Variants in ADGRL3 observed in about 807,000 individuals in gnomAD.
ADGRL3 encodes adhesion G protein-coupled receptor L3, also known as calcium-independent alpha-latrotoxin receptor 3.
ADGRL3 carries 62 observed loss-of-function variants against 153.5 expected under a neutral mutation model. That is an observed-to-expected ratio of 0.40 (90% CI 0.33 to 0.50). The LOEUF is 0.50. ADGRL3 is among the 20% of genes least tolerant of loss of function. The pLI is 0.47. For missense variants in ADGRL3, 1,641 were observed against 1,859.4 expected, an observed-to-expected ratio of 0.88 and a Z score of 2.16; for synonymous variants, 710 against 672.5, an observed-to-expected ratio of 1.06 and a Z score of -0.86.
chr4:61,371,173 A>G (rs1170587275), intron 1 of ADGRL3, among the ~76,000 whole-genome samples: 2 of 150,088 alleles, frequency 1.3e-5, no homozygotes, highest in African/African-American at 4.9e-5. Context: ...ATGGGTCTTG[A>G]CTCTTTATCC....
At chr4:61,503,654 A>G (rs924812448) in intron 3 of ADGRL3, among the ~76,000 whole-genome samples, 8 of 152,054 alleles carry the variant, frequency 5.3e-5, no homozygotes, top group African/African-American at 1.9e-4. Flanking sequence ...AGATTTTTAG[A>G]CTATATTTTC....
At chr4:61,571,158 C>A (rs995764241) in intron 4 of ADGRL3, among the ~76,000 whole-genome samples, 4 of 151,778 alleles carry the variant, frequency 2.6e-5, no homozygotes, top group Admixed American at 6.6e-5. Context: ...ACACAAGATA[C>A]ATTTACAGAC....
chr4:61,705,791 A>G (rs1241302424), intron 6 of ADGRL3, among the ~76,000 whole-genome samples: 1 of 152,176 alleles, frequency 6.6e-6, no homozygotes, highest in Non-Finnish European at 1.5e-5. Context: ...GGCATGAACC[A>G]CTGCGCCCAG....
intron 13 of ADGRL3, among the ~76,000 whole-genome samples, chr4:61,928,636 A>G (rs1420258132): frequency 6.6e-6 from 1 of 152,176 alleles, no homozygotes; most frequent in African/African-American, 2.4e-5. Context: ...TAAGATAAAT[A>G]TGCATTTCTT....
intron 21 of ADGRL3, among the ~76,000 whole-genome samples, chr4:62,005,847 A>T (rs2099155509): frequency 6.6e-6 from 1 of 150,506 alleles, no homozygotes; most frequent in East Asian, 1.9e-4. Context: ...ATTTGATTTT[A>T]TCCTTGTTTA....
intron 18 of ADGRL3, among the ~76,000 whole-genome samples, chr4:61,980,325 T>TTTTC (rs2099063599): frequency 6.7e-6 from 1 of 149,394 alleles, no homozygotes; most frequent in Non-Finnish European, 1.5e-5. Context: ...TTTTTTTTTT[T>TTTTC]TTTTTTTACT....
intron 19 of ADGRL3, among the ~76,000 whole-genome samples, chr4:61,989,012 A>G (rs1222798167): frequency 1.3e-5 from 2 of 152,118 alleles, no homozygotes; most frequent in African/African-American, 2.4e-5. Context: ...TCACTAGCTT[A>G]AGAGTATCTT....
At chr4:61,440,023 G>A (rs335284) in intron 2 of ADGRL3, among the ~76,000 whole-genome samples, 141,758 of 152,170 alleles carry the variant, frequency 0.93, 66,869 homozygotes, top group East Asian at 1. Context: ...TCTGTGCTAT[G>A]TATTATTTTT....
At chr4:61,368,319 T>C (rs562811561) in intron 1 of ADGRL3, among the ~76,000 whole-genome samples, 1 of 152,208 alleles carries the variant, frequency 6.6e-6, no homozygotes, top group South Asian at 2.1e-4. Flanking sequence ...ATGTCCTGAA[T>C]GGTAATGCCT....
Position 61,210,714 on chromosome 4 carries a change from T to G in ADGRL3, c.-240+8949T>G, listed in dbSNP as rs145528237. 4.7e-3 allele frequency among the ~76,000 whole-genome samples: 711 copies of G among 152,328 alleles called. 6 individuals are homozygous for G. Among genetic ancestry groups the G allele is most frequent in the African/African-American group, 0.016 (677 of 41,574 alleles). On this transcript the variant is annotated intron_variant, in intron 1 of 26. Transcript: ENST00000683033. ...TTGTTTTTTCAAATTTTCAGTGTTC[T>G]TGATTTGTCAATGGCTTATGGTTGT...
chr4:61,252,628 C>T (rs995178772), intron 1 of ADGRL3, among the ~76,000 whole-genome samples: 1 of 151,386 alleles, frequency 6.6e-6, no homozygotes, highest in Admixed American at 6.6e-5. Flanking sequence ...GCTAATAGCT[C>T]GCTTTGTCAG....
chr4:61,755,051 C>G (rs1197756618), intron 8 of ADGRL3, among the ~76,000 whole-genome samples: 2 of 152,150 alleles, frequency 1.3e-5, no homozygotes, highest in Non-Finnish European at 2.9e-5. Context: ...CAAGTCTTTG[C>G]TATTGTGAAT....
At chr4:61,492,153 G>A (rs758906932) in intron 2 of ADGRL3, among the ~76,000 whole-genome samples, 8 of 151,968 alleles carry the variant, frequency 5.3e-5, no homozygotes, top group Admixed American at 2.0e-4. Flanking sequence ...TTTATATTTC[G>A]TATGTGCCAA....
At chr4:61,959,913 T>G (rs1434741112) in intron 17 of ADGRL3, among the ~76,000 whole-genome samples, 1 of 152,068 alleles carries the variant, frequency 6.6e-6, no homozygotes, top group African/African-American at 2.4e-5. Context: ...TAGGTGGAGG[T>G]GGAGATTAAA....
intron 13 of ADGRL3, among the ~76,000 whole-genome samples, chr4:61,923,036 G>A (rs1449235415): frequency 1.3e-5 from 2 of 152,170 alleles, no homozygotes; most frequent in African/African-American, 4.8e-5. Context: ...CTGGAGAAGA[G>A]CATTCCAAGA....
chr4:61,482,442 A>T (rs1246430905), intron 2 of ADGRL3, among the ~76,000 whole-genome samples: 1 of 152,190 alleles, frequency 6.6e-6, no homozygotes, highest in Non-Finnish European at 1.5e-5. Flanking sequence ...CCGGAGCCAA[A>T]TATTAAACAA....
intron 8 of ADGRL3, among the ~76,000 whole-genome samples, chr4:61,789,149 A>G (rs2097311316): frequency 6.6e-6 from 1 of 152,162 alleles, no homozygotes; most frequent in African/African-American, 2.4e-5. Context: ...GGGATTTTAA[A>G]AAAGATAACT....
intron 1 of ADGRL3, among the ~76,000 whole-genome samples, chr4:61,215,157 C>T (rs760296879): frequency 2.0e-5 from 3 of 152,090 alleles, no homozygotes; most frequent in South Asian, 4.1e-4. Context: ...GACATATTTA[C>T]GATACATTTC....
intron 1 of ADGRL3, among the ~76,000 whole-genome samples, chr4:61,266,431 T>G (rs1393952920): frequency 2.0e-5 from 3 of 151,658 alleles, no homozygotes; most frequent in African/African-American, 7.3e-5. Flanking sequence ...ATAGTGGGAG[T>G]TCTAGACTCT....
Sources: gnomAD v4.1 joint callset for allele counts (sites outside exome capture counted in the v4.1 genomes callset) on GRCh38, gnomAD v4.1.1 for gene constraint, MANE v1.5 for transcripts, NCBI Gene and HGNC (gene_info 2026-07-23, HGNC 2026-07-21) for gene names.